AGBL4: variants seen among roughly 807,000 people sequenced by gnomAD.
The protein encoded by AGBL4 is cytosolic carboxypeptidase 6.
Under a neutral mutation model 66.4 loss-of-function variants are expected in AGBL4, and 58 were observed. That is an observed-to-expected ratio of 0.87 (90% confidence interval 0.71 to 1.09). AGBL4 has a LOEUF of 1.09. Among genes scored for constraint, AGBL4 ranks in the 50% least tolerant of loss-of-function variants. The probability of loss-of-function intolerance (pLI) is 0.00; values close to 1 mark genes in which losing one functional copy is unlikely to be tolerated. For synonymous variants in AGBL4, 234 were observed against 222.9 expected (o/e 1.05, Z -0.44); for missense variants, 579 against 631.0 (o/e 0.92, Z 0.88).
At chr1:48,624,743 C>T (rs1047490670) in intron 9 of AGBL4, among the ~76,000 whole-genome samples, 20 of 152,196 alleles carry the variant, frequency 1.3e-4, no homozygotes, top group Non-Finnish European at 2.4e-4. Context: ...ACAAAGTATA[C>T]AGGGAACCCT....
chr1:49,545,684 T>C (rs373361288), intron 3 of AGBL4, among the ~76,000 whole-genome samples: 1 of 152,304 alleles, frequency 6.6e-6, no homozygotes, highest in African/African-American at 2.4e-5. Context: ...ATGAAACATA[T>C]GTAAAATTTT....
chr1:49,722,912 A>G (rs1461737143), intron 2 of AGBL4, among the ~76,000 whole-genome samples: 1 of 152,154 alleles, frequency 6.6e-6, no homozygotes, highest in Non-Finnish European at 1.5e-5. Flanking sequence ...AGGTACTGAA[A>G]TGTGGCAGTA....
At chr1:49,452,520 C>T (rs1646299910) in intron 3 of AGBL4, among the ~76,000 whole-genome samples, 1 of 151,820 alleles carries the variant, frequency 6.6e-6, no homozygotes, top group Non-Finnish European at 1.5e-5. Context: ...CATGGGGGTT[C>T]AATAGTCTCT....
chr1:48,604,889 C>T (rs970295683), intron 9 of AGBL4, among the ~76,000 whole-genome samples: 2 of 152,170 alleles, frequency 1.3e-5, no homozygotes, highest in Admixed American at 6.5e-5. Flanking sequence ...GGAAGTCCCA[C>T]AACAATGCAA....
At chr1:49,604,834 A>G (rs943178919) in intron 3 of AGBL4, among the ~76,000 whole-genome samples, 7 of 152,076 alleles carry the variant, frequency 4.6e-5, no homozygotes, top group Non-Finnish European at 1.0e-4. Flanking sequence ...TCTCAGGCAT[A>G]ATATGTTACA....
At chr1:50,022,501 G>C (rs1174804789) in intron 1 of AGBL4, among the ~76,000 whole-genome samples, 1 of 152,060 alleles carries the variant, frequency 6.6e-6, no homozygotes, top group African/African-American at 2.4e-5. Flanking sequence ...GAGGTGCCAT[G>C]AAAGAAAGAG....
intron 3 of AGBL4, among the ~76,000 whole-genome samples, chr1:49,513,447 T>C (rs1318273136): frequency 1.3e-5 from 2 of 151,966 alleles, no homozygotes; most frequent in Non-Finnish European, 2.9e-5. Context: ...CCATAGTGTC[T>C]GTTGTTCCCA....
intron 5 of AGBL4, among the ~76,000 whole-genome samples, chr1:48,907,176 C>T (rs1437715201): frequency 6.6e-6 from 1 of 152,164 alleles, no homozygotes. Flanking sequence ...AGCACCCACA[C>T]GCAACTTTGC....
intron 9 of AGBL4, among the ~76,000 whole-genome samples, chr1:48,598,323 T>C (rs1645026834): frequency 6.6e-6 from 1 of 152,160 alleles, no homozygotes; most frequent in Admixed American, 6.6e-5. Context: ...TGGAGATAAA[T>C]TCTGAGAAAT....
chr1:49,327,524 G>T (rs1277959215), intron 3 of AGBL4, among the ~76,000 whole-genome samples: 2 of 152,180 alleles, frequency 1.3e-5, no homozygotes, highest in African/African-American at 2.4e-5. Context: ...GCCCCAACAA[G>T]AATGGGGTTG....
At chr1:49,519,797 G>A (rs1650112409) in intron 3 of AGBL4, among the ~76,000 whole-genome samples, 1 of 152,078 alleles carries the variant, frequency 6.6e-6, no homozygotes, top group Admixed American at 6.6e-5. Context: ...AACTAGGTGA[G>A]TCTATGAAGC....
chr1:49,833,425 C>T (rs1000605476), intron 2 of AGBL4, among the ~76,000 whole-genome samples: 5 of 152,250 alleles, frequency 3.3e-5, no homozygotes, highest in East Asian at 3.9e-4. Flanking sequence ...AGTCAGGTAG[C>T]ATGATGCCTC....
At chr1:49,353,139 C>T (rs1028293389) in intron 3 of AGBL4, among the ~76,000 whole-genome samples, 4 of 152,172 alleles carry the variant, frequency 2.6e-5, no homozygotes, top group Non-Finnish European at 5.9e-5. Flanking sequence ...CCACCTTTGA[C>T]CTGTAAGGTC....
chr1:48,640,348 C>T (rs764930197), intron 8 of AGBL4, among the ~76,000 whole-genome samples: 2 of 152,172 alleles, frequency 1.3e-5, no homozygotes, highest in South Asian at 4.1e-4. Context: ...TTCCCACCCC[C>T]ACTCCAACAT....
intron 3 of AGBL4, among the ~76,000 whole-genome samples, chr1:49,598,916 T>A (rs1644902131): frequency 6.6e-6 from 1 of 152,196 alleles, no homozygotes; most frequent in African/African-American, 2.4e-5. Flanking sequence ...TTGATTTGCG[T>A]ACGTTGAACC....
At chr1:49,907,716 T>C (rs1650414384) in intron 1 of AGBL4, among the ~76,000 whole-genome samples, 1 of 151,956 alleles carries the variant, frequency 6.6e-6, no homozygotes, top group African/African-American at 2.4e-5. Flanking sequence ...CAGTGAAAAA[T>C]GCTCTGTATA....
At chr1:48,776,559 C>T in intron 6 of AGBL4, 1 of 1,333,900 alleles carries the variant, frequency 7.5e-7, no homozygotes, top group Non-Finnish European at 9.7e-7. Context: ...TCCCGGGGTC[C>T]CAGCCCCCGC....
At chr1:49,389,660 T>A (rs1447891589) in intron 3 of AGBL4, among the ~76,000 whole-genome samples, 1 of 152,134 alleles carries the variant, frequency 6.6e-6, no homozygotes, top group African/African-American at 2.4e-5. Context: ...CATTTATAAA[T>A]GCCACCACAG....
intron 3 of AGBL4, among the ~76,000 whole-genome samples, chr1:49,397,209 A>T (rs1441685417): frequency 6.6e-6 from 1 of 152,026 alleles, no homozygotes; most frequent in Admixed American, 6.6e-5. Context: ...TCTTGAAAAG[A>T]GAAGCACAAT....
Sources: allele counts gnomAD v4.1 joint callset (sites outside exome capture counted in the v4.1 genomes callset), GRCh38; gene constraint gnomAD v4.1.1; transcripts MANE v1.5; gene names NCBI Gene and HGNC (gene_info 2026-07-23, HGNC 2026-07-21).